The following MAPRE3 variants were observed in gnomAD, a reference collection of about 807,000 sequenced individuals.
MAPRE3 encodes microtubule associated protein RP/EB family member 3.
MAPRE3 carries 2 observed loss-of-function variants against 30.5 expected under a neutral mutation model. The ratio of observed to expected loss-of-function variants is 0.07; its 90% CI spans 0.03 to 0.21. MAPRE3 has a LOEUF of 0.21. Among genes scored for constraint, MAPRE3 ranks in the 10% least tolerant of loss-of-function variants. MAPRE3 has a pLI of 1.00. For missense variants in MAPRE3, 204 were observed against 351.8 expected, an observed-to-expected ratio of 0.58 and a Z score of 3.36; for synonymous variants, 110 against 127.7, an observed-to-expected ratio of 0.86 and a Z score of 0.93.
At chr2:26,987,722 A>G (rs1666253462) in intron 1 of MAPRE3, among the ~76,000 whole-genome samples, 1 of 152,222 alleles carries the variant, frequency 6.6e-6, no homozygotes, top group Non-Finnish European at 1.5e-5. Context: ...CTGACAATCA[A>G]TAAAGGGATC....
At chr2:27,019,620 A>G (rs1471829176) in intron 1 of MAPRE3, among the ~76,000 whole-genome samples, 2 of 152,214 alleles carry the variant, frequency 1.3e-5, no homozygotes, top group African/African-American at 2.4e-5. Flanking sequence ...ACTCAAGTGC[A>G]GTCAACATTA....
intron 2 of MAPRE3, 49 bp downstream of exon 2, chr2:27,022,388 G>GA (rs1307023951): frequency 6.2e-7 from 1 of 1,604,846 alleles, no homozygotes; most frequent in Non-Finnish European, 8.5e-7. Context: ...GGAAAGGAAA[G>GA]AAAGGTCGGA....
intron 1 of MAPRE3, among the ~76,000 whole-genome samples, chr2:26,997,611 T>C (rs910853801): frequency 6.6e-6 from 1 of 152,188 alleles, no homozygotes; most frequent in African/African-American, 2.4e-5. Flanking sequence ...TCGCTGTTGC[T>C]GTGCAGCCTG....
chr2:27,024,113 A>G lies in MAPRE3; in HGVS notation c.285A>G (p.Lys95=), dbSNP rs756860314. The change falls in exon 4 of 7, where the codon AAA becomes AAG. Residue 95 remains lysine, a synonymous_variant. Transcript: ENST00000233121. ...MGVDKIIPVE[K]LVKGKFQDNF... is the part of the protein sequence containing the mutation. The stretch of plus-strand genomic sequence containing the variant: ...TATTTCAGATCATTCCTGTAGAGAA[A>G]TTAGTGAAAGGAAAATTCCAAGATA... The G allele has an allele frequency of 6.2e-7, 1 of 1,613,810 alleles. No individual in the cohort carries two copies. The highest frequency in any genetic ancestry group is 8.5e-7 in the Non-Finnish European group (1 of 1,179,708).
At chr2:26,996,497 T>C (rs1267220997) in intron 1 of MAPRE3, among the ~76,000 whole-genome samples, 1 of 151,976 alleles carries the variant, frequency 6.6e-6, no homozygotes. Flanking sequence ...CCATACAAGG[T>C]TTCCTTGTTA....
At chr2:26,978,402 C>T (rs1209810939) in intron 1 of MAPRE3, among the ~76,000 whole-genome samples, 1 of 152,122 alleles carries the variant, frequency 6.6e-6, no homozygotes, top group African/African-American at 2.4e-5. Context: ...CAGGCCTTTC[C>T]GCAGCACCAG....
chr2:26,992,284 T>G (rs1292462063), intron 1 of MAPRE3, among the ~76,000 whole-genome samples: 2 of 151,504 alleles, frequency 1.3e-5, no homozygotes, highest in Admixed American at 6.6e-5. Context: ...TGGAGTGCAG[T>G]GGTACGATCT....
intron 1 of MAPRE3, among the ~76,000 whole-genome samples, chr2:26,983,575 G>C (rs1362895173): frequency 6.6e-6 from 1 of 152,108 alleles, no homozygotes; most frequent in African/African-American, 2.4e-5. Flanking sequence ...CCCTGTCAAG[G>C]GTACTTAAGA....
At chr2:26,999,606 C>T (rs752351088) in intron 1 of MAPRE3, among the ~76,000 whole-genome samples, 6 of 144,734 alleles carry the variant, frequency 4.1e-5, no homozygotes, top group Admixed American at 2.2e-4. Flanking sequence ...TGGGTTCAAG[C>T]GATTCTCCTG....
chr2:27,014,230 T>A (rs1313466170), intron 1 of MAPRE3: 2 of 152,234 alleles, frequency 1.3e-5, no homozygotes, highest in Non-Finnish European at 2.9e-5. Context: ...TTTACTATAC[T>A]GCAGGGTTTC....
intron 1 of MAPRE3, among the ~76,000 whole-genome samples, chr2:27,002,529 T>C (rs908535748): frequency 1.3e-5 from 2 of 152,168 alleles, no homozygotes; most frequent in African/African-American, 4.8e-5. Context: ...CCAGGTTTTT[T>C]GTTCTGTCAT....
rs1253818404 is a variant in MAPRE3 at position 26,985,893 on chromosome 2, G to C, written c.-8+15091G>C. On this transcript the variant is annotated intron_variant, in intron 1 of 6. Coordinates refer to ENST00000233121, the MANE Select transcript of MAPRE3 (RefSeq NM_012326.4). The surrounding 1 kb of genome is among the most constrained non-coding windows in gnomAD (Gnocchi z 4.2). ...CCTGAAGCCACCAGAAGCTGGAAGA[G>C]AGGCAGGGAGCAGATTCCCCCAAGA... is the stretch of plus-strand genomic sequence containing the variant. Among the ~76,000 whole-genome samples, 1 of 152,130 alleles carries C rather than the reference G, an allele frequency of 6.6e-6. No homozygotes were observed. The highest frequency in any genetic ancestry group is 2.4e-5 in the African/African-American group (1 of 41,428).
intron 1 of MAPRE3, among the ~76,000 whole-genome samples, chr2:26,973,767 G>C (rs1665962817): frequency 6.6e-6 from 1 of 151,914 alleles, no homozygotes; most frequent in Admixed American, 6.6e-5. Context: ...TTGTTAGCCA[G>C]GATGGTCTCC....
At position 27,025,568 on chromosome 2, in the gene MAPRE3, T is replaced by C; in HGVS notation, c.470-15T>C. On this transcript the variant is annotated splice_polypyrimidine_tract_variant and intron_variant, in intron 4 of 6. Coordinates refer to ENST00000233121, the MANE Select transcript of MAPRE3 (RefSeq NM_012326.4). ...GGGCTCACGTGGACTTACCTGACTC[T>C]TTTCCTCTGGGCAGTTCCACAGAGG... 6.4e-7 allele frequency: 1 copy of C among 1,551,744 alleles called. No homozygotes were observed. The highest frequency in any genetic ancestry group is 8.7e-7 in the Non-Finnish European group (1 of 1,151,086).
intron 1 of MAPRE3, among the ~76,000 whole-genome samples, chr2:27,007,636 A>G (rs1666760179): frequency 6.6e-6 from 1 of 152,228 alleles, no homozygotes; most frequent in Admixed American, 6.5e-5. Flanking sequence ...AATAACAGAT[A>G]TTTAAGGTCC....
chr2:27,001,757 C>T (rs1300943493), intron 1 of MAPRE3, among the ~76,000 whole-genome samples: 1 of 152,210 alleles, frequency 6.6e-6, no homozygotes, highest in Non-Finnish European at 1.5e-5. Flanking sequence ...AAAAATACAG[C>T]ATAATCTTAT....
chr2:26,996,647 G>A (rs979317991), intron 1 of MAPRE3, among the ~76,000 whole-genome samples: 13 of 152,006 alleles, frequency 8.6e-5, no homozygotes, highest in South Asian at 2.1e-4. Context: ...AAAATTAGCC[G>A]GGCGCCGTGG....
At chr2:26,995,317 C>T (rs962192206) in intron 1 of MAPRE3, among the ~76,000 whole-genome samples, 1 of 152,170 alleles carries the variant, frequency 6.6e-6, no homozygotes, top group Non-Finnish European at 1.5e-5. Context: ...CCTATTTTGT[C>T]CTAGATATTA....
intron 1 of MAPRE3, among the ~76,000 whole-genome samples, chr2:26,979,781 G>T (rs1398796968): frequency 6.6e-6 from 1 of 152,166 alleles, no homozygotes; most frequent in Non-Finnish European, 1.5e-5. Flanking sequence ...GATGTGTGCT[G>T]GTTTTGAGTT....
Sources: allele counts gnomAD v4.1 joint callset (sites outside exome capture counted in the v4.1 genomes callset), GRCh38; gene constraint gnomAD v4.1.1; non-coding constraint Gnocchi (gnomAD v3.1); transcripts MANE v1.5; gene names NCBI Gene and HGNC (gene_info 2026-07-23, HGNC 2026-07-21).